PPP1R14C: variants seen among roughly 807,000 people sequenced by gnomAD.
The protein encoded by PPP1R14C is protein phosphatase 1 regulatory subunit 14C.
PPP1R14C carries 16 observed loss-of-function variants against 20.4 expected under a neutral mutation model. The ratio of observed to expected loss-of-function variants is 0.78; its 90% CI spans 0.53 to 1.19. The LOEUF (loss-of-function observed/expected upper bound fraction) is 1.19. Among genes scored for constraint, PPP1R14C ranks in the 50% most tolerant of loss-of-function variants. PPP1R14C has a pLI of 0.00. For missense variants in PPP1R14C, 211 were observed against 220.1 expected, an observed-to-expected ratio of 0.96 and a Z score of 0.26; for synonymous variants, 91 against 91.0, an observed-to-expected ratio of 1.00 and a Z score of 0.00.
intron 1 of PPP1R14C, among the ~76,000 whole-genome samples, chr6:150,206,712 C>A (rs1456791303): frequency 6.6e-6 from 1 of 152,182 alleles, no homozygotes; most frequent in Non-Finnish European, 1.5e-5. Context: ...AGAAGTGAAC[C>A]TTCGTAGGAT....
At chr6:150,150,904 C>T (rs1450556143) in intron 1 of PPP1R14C, among the ~76,000 whole-genome samples, 9 of 152,148 alleles carry the variant, frequency 5.9e-5, no homozygotes, top group South Asian at 2.1e-4. Context: ...TCCCCTCCTC[C>T]GCCCTGTATT....
chr6:150,151,150 T>TTCTG (rs1777242846), intron 1 of PPP1R14C, among the ~76,000 whole-genome samples: 1 of 152,186 alleles, frequency 6.6e-6, no homozygotes, highest in African/African-American at 2.4e-5. Flanking sequence ...TCTGTATTTT[T>TTCTG]AGCCCTGATC....
intron 1 of PPP1R14C, among the ~76,000 whole-genome samples, chr6:150,151,988 C>T (rs2114851865): frequency 6.6e-6 from 1 of 151,558 alleles, no homozygotes; most frequent in East Asian, 2.0e-4. Flanking sequence ...GGCGTAGTGG[C>T]GGGCGCCTGT....
chr6:150,235,237 C>T (rs1441862339), intron 3 of PPP1R14C, among the ~76,000 whole-genome samples: 1 of 152,126 alleles, frequency 6.6e-6, no homozygotes, highest in Non-Finnish European at 1.5e-5. Context: ...TATAGGTGCG[C>T]ACCACCACAC....
intron 3 of PPP1R14C, among the ~76,000 whole-genome samples, chr6:150,242,595 A>G (rs1778445823): frequency 6.6e-6 from 1 of 152,234 alleles, no homozygotes; most frequent in South Asian, 2.1e-4. Flanking sequence ...AAAAACCTAC[A>G]GGTAACATAC....
intron 1 of PPP1R14C, among the ~76,000 whole-genome samples, chr6:150,169,060 A>G (rs1359079447): frequency 6.6e-6 from 1 of 152,186 alleles, no homozygotes; most frequent in Non-Finnish European, 1.5e-5. Flanking sequence ...GTACTTTAGT[A>G]GAAATGGGGT....
intron 1 of PPP1R14C, among the ~76,000 whole-genome samples, chr6:150,176,643 A>G (rs951607783): frequency 2.8e-4 from 43 of 152,208 alleles, no homozygotes; most frequent in African/African-American, 1.0e-3. Flanking sequence ...CTGGTCCAGA[A>G]GAGTTTTATT....
chr6:150,143,775 C>T lies in PPP1R14C; in HGVS notation c.306+277C>T, dbSNP rs962318361. Among the ~76,000 whole-genome samples the T allele has an allele frequency of 2.6e-5, 4 of 152,152 alleles. No homozygotes were observed. The highest frequency in any genetic ancestry group is 9.7e-5 in the African/African-American group (4 of 41,440). The stretch of plus-strand genomic sequence containing the variant: ...GGGTTGGGTCCCGCGGAGCACAGTG[C>T]TTTTCTCCGAGCTCCGGGCGCCTCT... On this transcript the variant is annotated intron_variant, in intron 1 of 3. Transcript: ENST00000361131. This position sits in a 1 kb window ranked among gnomAD's most constrained non-coding sequence, Gnocchi z 5.6.
Position 150,143,105 on chromosome 6 carries a change from C to A in PPP1R14C, c.-88C>A. 4 of 1,149,632 alleles carry A rather than the reference C, an allele frequency of 3.5e-6. No individual in the cohort carries two copies. The highest frequency in any genetic ancestry group is 4.3e-6 in the Non-Finnish European group (4 of 939,408). 71.2% of individuals were successfully genotyped at this position (1,149,632 alleles called of 1,614,324 possible). A position where few individuals can be genotyped will look rare whatever the true frequency, so the allele number is the denominator to read the frequency against. The stretch of plus-strand genomic sequence containing the variant: ...CAGGTGCCGGGGAGCCCTTCGCATG[C>A]GGCTGCCGGGCCGGAGGTGGTAGCG... On this transcript the variant is annotated 5_prime_UTR_variant, in exon 1 of 4. Coordinates refer to ENST00000361131, the MANE Select transcript of PPP1R14C (RefSeq NM_030949.3). The surrounding 1 kb of genome is among the most constrained non-coding windows in gnomAD (Gnocchi z 5.6).
At chr6:150,200,011 A>G (rs1257723541) in intron 1 of PPP1R14C, among the ~76,000 whole-genome samples, 1 of 152,126 alleles carries the variant, frequency 6.6e-6, no homozygotes, top group Non-Finnish European at 1.5e-5. Flanking sequence ...ACTCTGTGTC[A>G]TTTCCACTTT....
intron 1 of PPP1R14C, among the ~76,000 whole-genome samples, chr6:150,174,397 T>C (rs959281987): frequency 1.0e-4 from 15 of 150,660 alleles, no homozygotes; most frequent in African/African-American, 1.2e-4. Context: ...TCTGTATTTT[T>C]AGTAGAGATG....
chr6:150,226,363 G>C (rs944823768), intron 3 of PPP1R14C, among the ~76,000 whole-genome samples: 5 of 152,130 alleles, frequency 3.3e-5, no homozygotes, highest in Non-Finnish European at 5.9e-5. Context: ...TTTTATTTTG[G>C]ATATTACTTG....
intron 1 of PPP1R14C, among the ~76,000 whole-genome samples, chr6:150,165,880 C>T (rs900212564): frequency 1.3e-5 from 2 of 152,148 alleles, no homozygotes; most frequent in Admixed American, 6.5e-5. Flanking sequence ...GTGAATTCAG[C>T]GAGAAGTTAA....
chr6:150,200,138 A>T (rs182065984), intron 1 of PPP1R14C, among the ~76,000 whole-genome samples: 1 of 149,066 alleles, frequency 6.7e-6, no homozygotes, highest in Admixed American at 6.7e-5. Flanking sequence ...TATTGAAACC[A>T]GTTGATATAT....
intron 1 of PPP1R14C, among the ~76,000 whole-genome samples, chr6:150,177,074 G>C (rs1238059534): frequency 6.6e-6 from 1 of 152,156 alleles, no homozygotes; most frequent in Non-Finnish European, 1.5e-5. Flanking sequence ...CCTGGCCCTG[G>C]TTCCTGAGAG....
At chr6:150,244,493 G>A (rs916550365) in intron 3 of PPP1R14C, among the ~76,000 whole-genome samples, 9 of 152,028 alleles carry the variant, frequency 5.9e-5, no homozygotes, top group African/African-American at 1.9e-4. Flanking sequence ...CAGCTCCAAC[G>A]TTATCCCACC....
At chr6:150,193,218 G>T (rs574270723) in intron 1 of PPP1R14C, among the ~76,000 whole-genome samples, 14 of 151,876 alleles carry the variant, frequency 9.2e-5, no homozygotes, top group Admixed American at 5.9e-4. Context: ...GTCACTCAAG[G>T]CTTGTTTAAT....
At chr6:150,232,904 C>A (rs4870384) in intron 3 of PPP1R14C, among the ~76,000 whole-genome samples, 13 of 152,246 alleles carry the variant, frequency 8.5e-5, no homozygotes, top group East Asian at 5.8e-4. Context: ...TTAATTTGGC[C>A]AGAGAAGAGA....
At chr6:150,198,460 G>T (rs995563448) in intron 1 of PPP1R14C, among the ~76,000 whole-genome samples, 7 of 152,254 alleles carry the variant, frequency 4.6e-5, no homozygotes, top group African/African-American at 1.7e-4. Context: ...GCTGAGGGAG[G>T]GTGTGCATGG....
Sources: gnomAD v4.1 joint callset for allele counts (sites outside exome capture counted in the v4.1 genomes callset) on GRCh38, gnomAD v4.1.1 for gene constraint, Gnocchi (gnomAD v3.1) non-coding constraint, MANE v1.5 for transcripts, NCBI Gene and HGNC (gene_info 2026-07-23, HGNC 2026-07-21) for gene names.